AMBRA1: variants seen among roughly 807,000 people sequenced by gnomAD.
The protein encoded by AMBRA1 is activating molecule in BECN1-regulated autophagy protein 1.
A neutral mutation model predicts 125.4 loss-of-function variants in AMBRA1; 47 were observed. That is an observed-to-expected ratio of 0.37 (90% confidence interval 0.30 to 0.48). AMBRA1 has a LOEUF of 0.48. Ranked by LOEUF, AMBRA1 falls within the 20% of genes least tolerant of loss-of-function variation. The pLI is 0.99. For synonymous variants in AMBRA1, 626 were observed against 655.5 expected (o/e 0.95, Z 0.69); for missense variants, 1,331 against 1,693.4 (o/e 0.79, Z 3.76).
rs1949945098 is a variant in AMBRA1 at position 46,478,983 on chromosome 11, G to C, written c.2521+14625C>G. Among the ~76,000 whole-genome samples, 3 of 152,158 alleles carry C rather than the reference G, an allele frequency of 2.0e-5. No individual in the cohort carries two copies. The South Asian group carries it at 6.2e-4, about 31-fold the overall frequency. On this transcript the variant is annotated intron_variant, in intron 11 of 17. Coordinates refer to ENST00000683756, the MANE Select transcript of AMBRA1 (RefSeq NM_001387011.1). ...GGAGGCCAAGGTGGTAGGATCGCTT[G>C]AGCCCAAGAGTTTAAGACCAGTCTG...
At chr11:46,529,196 C>G (rs575895639) in intron 7 of AMBRA1, among the ~76,000 whole-genome samples, 1 of 152,304 alleles carries the variant, frequency 6.6e-6, no homozygotes, top group Admixed American at 6.5e-5. Context: ...TTACATAGTC[C>G]ATTTACATAG....
At chr11:46,411,785 A>AT (rs200917347) in intron 15 of AMBRA1, among the ~76,000 whole-genome samples, 5,670 of 150,040 alleles carry the variant, frequency 0.038, 369 homozygotes, top group African/African-American at 0.13. Flanking sequence ...TGTCTTTTTA[A>AT]TTTTTTTTTT....
intron 11 of AMBRA1, among the ~76,000 whole-genome samples, chr11:46,483,859 C>A (rs1272050881): frequency 1.3e-5 from 2 of 151,886 alleles, no homozygotes; most frequent in African/African-American, 4.8e-5. Flanking sequence ...CACTGCACTC[C>A]AGCCTGGGCA....
intron 12 of AMBRA1, among the ~76,000 whole-genome samples, chr11:46,441,955 CA>C (rs869217594): frequency 3.0e-3 from 202 of 66,634 alleles, no homozygotes; most frequent in Non-Finnish European, 5.0e-3. Flanking sequence ...TGGCTCAGTG[CA>C]AAAAAAAAAA....
intron 14 of AMBRA1, among the ~76,000 whole-genome samples, chr11:46,423,881 A>C (rs1946985021): frequency 1.3e-5 from 2 of 149,380 alleles, no homozygotes; most frequent in African/African-American, 5.0e-5. Flanking sequence ...CTCCTGACTC[A>C]GCCTCCCGAG....
At chr11:46,557,335 A>C (rs1175550414) in intron 1 of AMBRA1, among the ~76,000 whole-genome samples, 2 of 151,730 alleles carry the variant, frequency 1.3e-5, no homozygotes, top group Non-Finnish European at 2.9e-5. Context: ...AGAAAATGGT[A>C]ATAAGAACAC....
chr11:46,565,274 G>T (rs1379850858), intron 1 of AMBRA1, among the ~76,000 whole-genome samples: 1 of 150,826 alleles, frequency 6.6e-6, no homozygotes, highest in Non-Finnish European at 1.5e-5. Context: ...AAAACGAAAA[G>T]GAAAAAGAAC....
intron 12 of AMBRA1, among the ~76,000 whole-genome samples, chr11:46,439,576 A>G: frequency 6.6e-6 from 1 of 152,164 alleles, no homozygotes; most frequent in East Asian, 1.9e-4. Context: ...CTAAAATATA[A>G]AAGTTATAAA....
Position 46,493,593 on chromosome 11 carries a change from GA to G in AMBRA1, c.2521+14del. 1 of 1,597,792 alleles carries G rather than the reference GA, an allele frequency of 6.3e-7. No homozygotes were observed. The highest frequency in any genetic ancestry group is 8.5e-7 in the Non-Finnish European group (1 of 1,173,052). The stretch of plus-strand genomic sequence containing the variant: ...GCCCTTCACATTTTCAAAAGCCAAA[GA>G]AACATTTCCTTACCTGCCAGGACCC... On this transcript the variant is annotated intron_variant, in intron 11 of 17. Transcript: ENST00000683756.
At chr11:46,543,776 T>C (rs557247906) in intron 6 of AMBRA1, among the ~76,000 whole-genome samples, 199 bp downstream of exon 6, 33 of 152,324 alleles carry the variant, frequency 2.2e-4, no homozygotes, top group African/African-American at 7.5e-4. Context: ...AGGCAATCAC[T>C]GGAGGGTTTC....
chr11:46,466,521 G>A (rs1949331700), intron 11 of AMBRA1, among the ~76,000 whole-genome samples: 1 of 152,182 alleles, frequency 6.6e-6, no homozygotes, highest in Non-Finnish European at 1.5e-5. Flanking sequence ...AGGATAGAAA[G>A]AGGTTACTGC....
intron 1 of AMBRA1, among the ~76,000 whole-genome samples, chr11:46,582,001 A>G (rs999877519): frequency 1.2e-4 from 18 of 151,552 alleles, no homozygotes; most frequent in African/African-American, 4.4e-4. Context: ...CTGTAGTCCC[A>G]GCTACTTGGG....
intron 11 of AMBRA1, among the ~76,000 whole-genome samples, chr11:46,459,104 C>A (rs577025052): frequency 1.3e-5 from 2 of 152,266 alleles, no homozygotes; most frequent in African/African-American, 4.8e-5. Context: ...CCATGGAACA[C>A]CACGCAGCCA....
At chr11:46,554,466 C>T (rs1340659515) in intron 1 of AMBRA1, among the ~76,000 whole-genome samples, 2 of 152,158 alleles carry the variant, frequency 1.3e-5, no homozygotes, top group Non-Finnish European at 2.9e-5. Context: ...TACCAAACAA[C>T]ATTTCTATCA....
At chr11:46,587,832 G>C (rs2044457069) in intron 1 of AMBRA1, among the ~76,000 whole-genome samples, 1 of 152,088 alleles carries the variant, frequency 6.6e-6, no homozygotes, top group Non-Finnish European at 1.5e-5. Context: ...ATAAATATTT[G>C]CTAGATGAAC....
chr11:46,546,404 G>A (rs529773503), intron 4 of AMBRA1, among the ~76,000 whole-genome samples: 2 of 152,118 alleles, frequency 1.3e-5, no homozygotes, highest in East Asian at 1.9e-4. Context: ...AAGACAACCC[G>A]CTAGCCAGTT....
At chr11:46,424,989 G>C (rs1947049484) in intron 14 of AMBRA1, among the ~76,000 whole-genome samples, 1 of 152,020 alleles carries the variant, frequency 6.6e-6, no homozygotes, top group Non-Finnish European at 1.5e-5. Flanking sequence ...ACAAAAATTA[G>C]CCAGGCTGGT....
chr11:46,469,636 G>A (rs749796240), intron 11 of AMBRA1, among the ~76,000 whole-genome samples: 8 of 151,978 alleles, frequency 5.3e-5, no homozygotes, highest in Non-Finnish European at 1.2e-4. Context: ...ATGAATCTAA[G>A]AATAAGACTT....
intron 13 of AMBRA1, among the ~76,000 whole-genome samples, chr11:46,434,301 C>T (rs1479935469): frequency 6.6e-6 from 1 of 151,662 alleles, no homozygotes. Context: ...TATCACTGCA[C>T]CATCATTTGT....
Sources: allele counts gnomAD v4.1 joint callset (sites outside exome capture counted in the v4.1 genomes callset), GRCh38; gene constraint gnomAD v4.1.1; transcripts MANE v1.5; gene names NCBI Gene and HGNC (gene_info 2026-07-23, HGNC 2026-07-21).